The following SLC25A40 variants were observed in gnomAD, a reference collection of about 807,000 sequenced individuals.
SLC25A40 encodes mitochondrial glutathione transporter SLC25A40.
A neutral mutation model predicts 46.5 loss-of-function variants in SLC25A40; 41 were observed. The observed-to-expected ratio is 0.88, with a 90% CI of 0.69 to 1.14. The LOEUF is 1.14. SLC25A40 is among the 50% of genes most tolerant of loss of function. The pLI is 0.00. For synonymous variants in SLC25A40, 126 were observed against 127.5 expected (o/e 0.99, Z 0.08); for missense variants, 386 against 393.6 (o/e 0.98, Z 0.16).
At chr7:87,867,757 T>C (rs1472314798) in intron 1 of SLC25A40, among the ~76,000 whole-genome samples, 2 of 152,256 alleles carry the variant, frequency 1.3e-5, no homozygotes, top group African/African-American at 4.8e-5. Flanking sequence ...TTGTAATTTA[T>C]CTGTTGAATA....
rs139417585 is a variant in SLC25A40 at position 87,870,737 on chromosome 7, G to A, written c.-94+5359C>T. On this transcript the variant is annotated intron_variant, in intron 1 of 11. Transcript: ENST00000341119. ...TTTGGAGATGGGTCTGGCTGGGGAC[G>A]GCCGGACCTTAGGGTAAGATTAGCT... Among the ~76,000 whole-genome samples, 20 of 152,252 alleles carry A rather than the reference G, an allele frequency of 1.3e-4. No individual in the cohort carries two copies. In the East Asian group the frequency reaches 3.3e-3, roughly 25 times the overall value.
chr7:87,871,298 T>C (rs966063292), intron 1 of SLC25A40, among the ~76,000 whole-genome samples: 1 of 152,342 alleles, frequency 6.6e-6, no homozygotes, highest in Non-Finnish European at 1.5e-5. Context: ...AGCCTCCAGA[T>C]AATAGCATTG....
chr7:87,868,535 C>T (rs115917539), intron 1 of SLC25A40, among the ~76,000 whole-genome samples: 125 of 152,252 alleles, frequency 8.2e-4, no homozygotes, highest in African/African-American at 3.0e-3. Flanking sequence ...TAATCAGATT[C>T]GAGTTGGGGT....
At chr7:87,840,417 T>A (rs1838314423) in intron 10 of SLC25A40, among the ~76,000 whole-genome samples, 1 of 151,718 alleles carries the variant, frequency 6.6e-6, no homozygotes, top group South Asian at 2.1e-4. Context: ...CGTAAGTGGC[T>A]CCCAAACTTT....
intron 1 of SLC25A40, among the ~76,000 whole-genome samples, chr7:87,873,892 T>C (rs117188385): frequency 0.014 from 2,161 of 152,322 alleles, 24 homozygotes; most frequent in Non-Finnish European, 0.023. Flanking sequence ...GAACAAAGTT[T>C]CTCACCATAA....
At chr7:87,845,157 T>C (rs1838393404) in intron 8 of SLC25A40, among the ~76,000 whole-genome samples, 4 of 152,162 alleles carry the variant, frequency 2.6e-5, no homozygotes, top group Admixed American at 2.0e-4. Flanking sequence ...ATAATTCAGT[T>C]TGGTACTGGC....
Position 87,847,862 on chromosome 7 carries a change from C to T in SLC25A40, c.448G>A (p.Val150Ile), listed in dbSNP as rs1186667368. 2.5e-6 allele frequency: 4 copies of T among 1,606,774 alleles called. No homozygotes were observed. The South Asian group carries it at 4.5e-5, about 18-fold the overall frequency. Residue 150 changes from valine (V) to isoleucine (I), a missense_variant, in exon 7 of 12, where the codon GTA becomes ATA. Val to Ile is a conservative substitution (Grantham distance 29). Coordinates refer to ENST00000341119, the MANE Select transcript of SLC25A40 (RefSeq NM_018843.4). ...ETCIPIVAGI[V>I]ARFGAVTVIS... Reference sequence around the variant, plus strand: ...AAGATTTATTACTCACATCTGGCTACAATTCCAGCAACAATTGGTATGCAG... The same window carrying T: ...AAGATTTATTACTCACATCTGGCTATAATTCCAGCAACAATTGGTATGCAG...
intron 5 of SLC25A40, 38 bp from the exon 6 acceptor site, chr7:87,849,986 C>T (rs189188497): frequency 7.7e-7 from 1 of 1,300,698 alleles, no homozygotes; most frequent in Admixed American, 2.2e-5. Flanking sequence ...CAAAATATAT[C>T]TTTAAACCTT....
At chr7:87,836,480 C>A (rs1197441852) in intron 11 of SLC25A40, 119 bp from the exon 12 acceptor site, 4 of 664,000 alleles carry the variant, frequency 6.0e-6, no homozygotes, top group Non-Finnish European at 9.3e-6. Context: ...ATGTTCAAAT[C>A]CATAAATTGG....
Position 87,835,905 on chromosome 7 carries a change from T to A in SLC25A40, c.*344A>T, listed in dbSNP as rs1327408641. The A allele has an allele frequency of 5.4e-6, 1 of 183,586 alleles. No individual in the cohort carries two copies. The highest frequency in any genetic ancestry group is 1.1e-5 in the Non-Finnish European group (1 of 89,354). 11.4% of individuals were successfully genotyped at this position (183,586 alleles called of 1,614,324 possible). A position where few individuals can be genotyped will look rare whatever the true frequency, so the allele number is the denominator to read the frequency against. On this transcript the variant is annotated 3_prime_UTR_variant, in exon 12 of 12. Coordinates refer to ENST00000341119, the MANE Select transcript of SLC25A40 (RefSeq NM_018843.4). ...ACTATGTACATCATTCAGCACACAATTCAAAAAGTTCTGGTGTATTCAACA... is the reference window on the plus strand; with the variant it reads ...ACTATGTACATCATTCAGCACACAAATCAAAAAGTTCTGGTGTATTCAACA...
At chr7:87,865,484 T>G (rs1838778457) in intron 1 of SLC25A40, among the ~76,000 whole-genome samples, 1 of 152,198 alleles carries the variant, frequency 6.6e-6, no homozygotes. Context: ...AGAATATTCT[T>G]GGGAGGCCAG....
At chr7:87,853,610 C>A (rs1276585215) in intron 5 of SLC25A40, among the ~76,000 whole-genome samples, 2 of 152,090 alleles carry the variant, frequency 1.3e-5, no homozygotes, top group African/African-American at 2.4e-5. Context: ...TAAAAAGGAA[C>A]AAATGATTGA....
At chr7:87,837,564 AT>A (rs957844779) in intron 10 of SLC25A40, among the ~76,000 whole-genome samples, 2 of 151,274 alleles carry the variant, frequency 1.3e-5, no homozygotes, top group African/African-American at 2.4e-5. Flanking sequence ...TAAAAACCTA[AT>A]TTTTTAAAAA....
chr7:87,841,492 C>T (rs1231717662), intron 10 of SLC25A40, 141 bp downstream of exon 10: 8 of 434,278 alleles, frequency 1.8e-5, no homozygotes, highest in African/African-American at 4.2e-5. Flanking sequence ...TCCATTCTAA[C>T]AGTATATTAC....
At chr7:87,840,117 T>C (rs1342297422) in intron 10 of SLC25A40, among the ~76,000 whole-genome samples, 2 of 151,770 alleles carry the variant, frequency 1.3e-5, no homozygotes, top group African/African-American at 2.4e-5. Flanking sequence ...ATGATAATCA[T>C]GGAAAATTAA....
In SLC25A40 at chr7:87,834,322, G is replaced by A. The variant is rs553591253; in HGVS notation, c.*1927C>T. 8.6e-5 allele frequency: 13 copies of A among 151,546 alleles called. No homozygotes were observed. Among genetic ancestry groups the A allele is most frequent in the Admixed American group, 7.3e-4 (11 of 15,158 alleles). The allele number at this position is 151,546 out of a possible 1,614,324, so 9.4% of individuals were successfully genotyped here. A position where few individuals can be genotyped will look rare whatever the true frequency, so the allele number is the denominator to read the frequency against. On this transcript the variant is annotated 3_prime_UTR_variant, in exon 12 of 12. Coordinates refer to ENST00000341119, the MANE Select transcript of SLC25A40 (RefSeq NM_018843.4). ...TATTCCATAGACTGAATTTTTCTAG[G>A]TACTATTTTAATACAAATTATTATT... is the stretch of plus-strand genomic sequence containing the variant.
chr7:87,841,815 A>G (rs980258217), intron 9 of SLC25A40, 101 bp from the exon 10 acceptor site: 1 of 562,774 alleles, frequency 1.8e-6, no homozygotes, highest in Non-Finnish European at 2.8e-6. Context: ...GATAATGAAA[A>G]CAATAACCGA....
intron 6 of SLC25A40, among the ~76,000 whole-genome samples, 183 bp from the exon 7 acceptor site, chr7:87,848,160 T>A (rs565948526): frequency 6.6e-6 from 1 of 152,360 alleles, no homozygotes; most frequent in South Asian, 2.1e-4. Context: ...GTACTTAACT[T>A]AGTAGGCAGT....
chr7:87,856,177 A>T, intron 4 of SLC25A40, 115 bp downstream of exon 4: 1 of 901,792 alleles, frequency 1.1e-6, no homozygotes, highest in Non-Finnish European at 1.7e-6. Flanking sequence ...GTTTTTCATG[A>T]GGATAAAGAG....
Sources: gnomAD v4.1 joint callset for allele counts (sites outside exome capture counted in the v4.1 genomes callset) on GRCh38, gnomAD v4.1.1 for gene constraint, MANE v1.5 for transcripts, NCBI Gene and HGNC (gene_info 2026-07-23, HGNC 2026-07-21) for gene names.